LCORL: variants seen among roughly 807,000 people sequenced by gnomAD.
The protein encoded by LCORL is ligand-dependent nuclear receptor corepressor-like protein.
Under a neutral mutation model 141.8 loss-of-function variants are expected in LCORL, and 41 were observed. That is an observed-to-expected ratio of 0.29 (90% CI 0.23 to 0.38). LCORL has a LOEUF of 0.38. Ranked by LOEUF, LCORL falls within the 10% of genes least tolerant of loss-of-function variation. The pLI, the probability that LCORL is intolerant of heterozygous loss-of-function variation, is 1.00. For missense variants in LCORL, 1,759 were observed against 2,035.0 expected, an observed-to-expected ratio of 0.86 and a Z score of 2.61; for synonymous variants, 618 against 694.1, an observed-to-expected ratio of 0.89 and a Z score of 1.72.
intron 2 of LCORL, among the ~76,000 whole-genome samples, chr4:17,972,558 A>G (rs13144742): frequency 0.25 from 38,487 of 151,514 alleles, 6,568 homozygotes; most frequent in African/African-American, 0.48. Flanking sequence ...GTTAGGGCGT[A>G]GAATCAATAA....
At chr4:18,015,226 G>A (rs1277685741) in intron 1 of LCORL, among the ~76,000 whole-genome samples, 1 of 152,106 alleles carries the variant, frequency 6.6e-6, no homozygotes, top group Non-Finnish European at 1.5e-5. Flanking sequence ...TTTATCATGC[G>A]CACAGCCAAT....
chr4:17,909,148 C>T, exon 5 of LCORL: 2 of 1,613,164 alleles, frequency 1.2e-6, no homozygotes, highest in Non-Finnish European at 1.7e-6. Context: ...AAGGGGCCTT[C>T]CTGCTCTTCC....
At chr4:17,996,327 G>T (rs925246633) in intron 1 of LCORL, among the ~76,000 whole-genome samples, 1 of 152,024 alleles carries the variant, frequency 6.6e-6, no homozygotes, top group Non-Finnish European at 1.5e-5. Context: ...ATAGAGAAAT[G>T]AAAGGACAAA....
rs531794847 is a variant in LCORL at position 17,905,546 on chromosome 4, T to C, written c.682+3548A>G. Among the ~76,000 whole-genome samples the C allele has an allele frequency of 1.1e-4, 16 of 152,196 alleles. No individual in the cohort carries two copies. The South Asian group carries it at 1.4e-3, about 14-fold the overall frequency. On this transcript the variant is annotated intron_variant, in intron 5 of 7. Coordinates refer to ENST00000635767, the Ensembl canonical transcript of LCORL. ...GATTATACCAACATTTCTTTTTTTT[T>C]CTACTCTTTGAAACAGTAGAAAAAA...
chr4:17,871,401 G>T (rs1726322002), intron 7 of LCORL, among the ~76,000 whole-genome samples: 1 of 151,748 alleles, frequency 6.6e-6, no homozygotes. Flanking sequence ...TGCCCAAAAG[G>T]ATTTTGAAAT....
At chr4:17,922,387 C>G (rs1279040856) in intron 4 of LCORL, among the ~76,000 whole-genome samples, 1 of 152,164 alleles carries the variant, frequency 6.6e-6, no homozygotes, top group Non-Finnish European at 1.5e-5. Flanking sequence ...TTTGATACTC[C>G]TGATTCACTG....
exon 7 of LCORL, chr4:17,875,378 A>C (rs1436660937): frequency 1.6e-6 from 2 of 1,231,244 alleles, no homozygotes; most frequent in African/African-American, 3.1e-5. Context: ...CACTTTCAGT[A>C]GTCAAGCTTG....
intron 5 of LCORL, chr4:17,893,609 G>C (rs1280524956): frequency 1.0e-6 from 1 of 984,648 alleles, no homozygotes. Context: ...CAGGAAAATT[G>C]TTATTTTCTT....
intron 7 of LCORL, among the ~76,000 whole-genome samples, chr4:17,867,694 G>C (rs1233973093): frequency 6.6e-6 from 1 of 152,058 alleles, no homozygotes; most frequent in Admixed American, 6.6e-5. Context: ...TACATCAAAA[G>C]AAAAAGTATC....
intron 4 of LCORL, among the ~76,000 whole-genome samples, chr4:17,946,729 G>A (rs12506752): frequency 0.24 from 36,991 of 151,786 alleles, 5,859 homozygotes; most frequent in African/African-American, 0.45. Context: ...AGTGCAGTCT[G>A]CATCTTTTAA....
At chr4:17,899,323 G>A (rs187231961) in intron 5 of LCORL, among the ~76,000 whole-genome samples, 3 of 152,040 alleles carry the variant, frequency 2.0e-5, no homozygotes, top group Non-Finnish European at 4.4e-5. Flanking sequence ...TTGTTAAGGG[G>A]ATACTCTAGC....
intron 4 of LCORL, among the ~76,000 whole-genome samples, chr4:17,960,910 A>C (rs1214154106): frequency 6.6e-6 from 1 of 151,956 alleles, no homozygotes; most frequent in Non-Finnish European, 1.5e-5. Flanking sequence ...AATTATATTA[A>C]GACTCTTCTA....
intron 5 of LCORL, among the ~76,000 whole-genome samples, chr4:17,904,453 G>C (rs1003360907): frequency 1.3e-5 from 2 of 152,048 alleles, no homozygotes; most frequent in African/African-American, 4.8e-5. Flanking sequence ...TATGGACTGT[G>C]ATTCTTGCAT....
chr4:17,962,907 A>T (rs1258070633), intron 3 of LCORL, 63 bp downstream of exon 3: 2 of 889,390 alleles, frequency 2.2e-6, no homozygotes, highest in Admixed American at 2.9e-5. Flanking sequence ...AATTAAGATA[A>T]AAAAAAAACT....
chr4:17,914,468 T>A (rs1370273144), intron 4 of LCORL, among the ~76,000 whole-genome samples: 1 of 152,222 alleles, frequency 6.6e-6, no homozygotes, highest in Non-Finnish European at 1.5e-5. Flanking sequence ...TCTGTTTTAT[T>A]CACCCACTCA....
At chr4:17,908,043 T>C (rs866518852) in intron 5 of LCORL, among the ~76,000 whole-genome samples, 1 of 152,172 alleles carries the variant, frequency 6.6e-6, no homozygotes, top group East Asian at 1.9e-4. Context: ...TTCTTCTTTT[T>C]TTTTAAGAGA....
chr4:17,948,447 T>G (rs1233236217), intron 4 of LCORL, among the ~76,000 whole-genome samples: 3 of 152,064 alleles, frequency 2.0e-5, no homozygotes, highest in African/African-American at 7.2e-5. Flanking sequence ...ATTTCATATT[T>G]TAACGGAGGA....
At chr4:18,015,944 C>G (rs1437580501) in intron 1 of LCORL, among the ~76,000 whole-genome samples, 1 of 151,624 alleles carries the variant, frequency 6.6e-6, no homozygotes, top group East Asian at 1.9e-4. Flanking sequence ...TATCAAAGGC[C>G]TTCCTGGTTT....
intron 1 of LCORL, among the ~76,000 whole-genome samples, chr4:17,990,683 T>C (rs1416855208): frequency 6.7e-6 from 1 of 148,166 alleles, no homozygotes; most frequent in Non-Finnish European, 1.5e-5. Flanking sequence ...TTATTACAAG[T>C]GAACAGGTAC....
Sources: allele counts gnomAD v4.1 joint callset (sites outside exome capture counted in the v4.1 genomes callset), GRCh38; gene constraint gnomAD v4.1.1; transcripts MANE v1.5; gene names NCBI Gene and HGNC (gene_info 2026-07-23, HGNC 2026-07-21).